MRPS21: variants seen among roughly 807,000 people sequenced by gnomAD.
MRPS21 encodes the protein mitochondrial ribosomal protein S21.
MRPS21 carries 8 observed loss-of-function variants against 9.9 expected under a neutral mutation model. The ratio of observed to expected loss-of-function variants is 0.81; its 90% CI spans 0.47 to 1.45. The LOEUF (loss-of-function observed/expected upper bound fraction) is 1.45, where lower values mean the gene tolerates loss of function less well. Ranked by LOEUF, MRPS21 falls within the 40% of genes most tolerant of loss-of-function variation. MRPS21 has a pLI of 0.00. For synonymous variants in MRPS21, 40 were observed against 40.3 expected, an observed-to-expected ratio of 0.99 and a Z score of 0.03; for missense variants, 101 against 118.9, an observed-to-expected ratio of 0.85 and a Z score of 0.70.
intron 2 of MRPS21, among the ~76,000 whole-genome samples, chr1:150,296,481 G>T (rs368191666): frequency 1.3e-5 from 2 of 152,326 alleles, no homozygotes; most frequent in East Asian, 3.9e-4. Flanking sequence ...AGGATTGCTT[G>T]AACCCAGGAG....
At chr1:150,294,247 C>A in intron 1 of MRPS21, 88 bp from the exon 2 acceptor site, 2 of 881,116 alleles carry the variant, frequency 2.3e-6, no homozygotes, top group Non-Finnish European at 3.7e-6. Flanking sequence ...TGTTGAATTT[C>A]CAAATCCTAA....
chr1:150,295,004 T>G (rs1474970710), intron 2 of MRPS21, among the ~76,000 whole-genome samples: 2 of 150,028 alleles, frequency 1.3e-5, no homozygotes, highest in Non-Finnish European at 3.0e-5. Context: ...TAATTTTTTT[T>G]TTTTTTTTTG....
intron 2 of MRPS21, among the ~76,000 whole-genome samples, chr1:150,302,428 C>G (rs1654176145): frequency 6.6e-6 from 1 of 152,060 alleles, no homozygotes; most frequent in African/African-American, 2.4e-5. Flanking sequence ...GGAAGCATGC[C>G]CTGTTGACTC....
At chr1:150,302,296 A>G (rs1009527459) in intron 2 of MRPS21, among the ~76,000 whole-genome samples, 1 of 152,154 alleles carries the variant, frequency 6.6e-6, no homozygotes, top group Non-Finnish European at 1.5e-5. Context: ...GGCCACCACA[A>G]AATGCCTGTT....
At position 150,295,952 on chromosome 1, in the gene MRPS21, C is replaced by T. The variant is rs976991610; in HGVS notation, c.83+1503C>T. ...GAGATGTAGAAGAGCCCTAGTAATA[C>T]TTTTTTTTTTTTTTTTTTAAAACGG... is the stretch of plus-strand genomic sequence containing the variant. On this transcript the variant is annotated intron_variant, in intron 2 of 2. Coordinates refer to ENST00000614145, the MANE Select transcript of MRPS21 (RefSeq NM_031901.6). 1.6e-3 allele frequency among the ~76,000 whole-genome samples: 183 copies of T among 115,830 alleles called. 1 individual carries two copies. Among genetic ancestry groups the T allele is most frequent in the Non-Finnish European group, 2.8e-3 (142 of 51,018 alleles). 76.0% of individuals were successfully genotyped at this position (115,830 alleles called of 152,430 possible). A position where few individuals can be genotyped will look rare whatever the true frequency, so the allele number is the denominator to read the frequency against.
intron 2 of MRPS21, among the ~76,000 whole-genome samples, chr1:150,300,634 C>T (rs782381298): frequency 5.9e-5 from 9 of 152,126 alleles, no homozygotes; most frequent in Non-Finnish European, 1.2e-4. Flanking sequence ...AGGTGAACTT[C>T]GTATTCGTTG....
At chr1:150,295,417 G>C (rs781933695) in intron 2 of MRPS21, among the ~76,000 whole-genome samples, 9 of 152,134 alleles carry the variant, frequency 5.9e-5, no homozygotes, top group Non-Finnish European at 1.2e-4. Context: ...TGTATTTTCT[G>C]TACAGAGGGA....
intron 2 of MRPS21, chr1:150,304,058 C>G (rs2101909956): frequency 2.6e-6 from 1 of 387,186 alleles, no homozygotes; most frequent in South Asian, 1.9e-5. Context: ...CGCCTGCAAT[C>G]CCAGCACTTT....
At chr1:150,298,503 T>C (rs1553856976) in intron 2 of MRPS21, among the ~76,000 whole-genome samples, 1 of 152,252 alleles carries the variant, frequency 6.6e-6, no homozygotes, top group East Asian at 1.9e-4. Flanking sequence ...TTAGTTCCCT[T>C]ATTCCTAAAG....
intron 2 of MRPS21, among the ~76,000 whole-genome samples, chr1:150,300,693 T>C (rs1305528288): frequency 2.0e-5 from 3 of 152,200 alleles, no homozygotes; most frequent in Non-Finnish European, 4.4e-5. Context: ...CGAGTTAAAA[T>C]TGGTGCCTCC....
chr1:150,305,911 A>G (rs1452496923), intron 2 of MRPS21, among the ~76,000 whole-genome samples: 1 of 152,182 alleles, frequency 6.6e-6, no homozygotes, highest in African/African-American at 2.4e-5. Flanking sequence ...AGTAGTTCCA[A>G]AATCTGTCTG....
chr1:150,302,721 C>T (rs1472517242), intron 2 of MRPS21, among the ~76,000 whole-genome samples: 4 of 152,154 alleles, frequency 2.6e-5, no homozygotes, highest in African/African-American at 9.7e-5. Context: ...CAGAAGGAAG[C>T]ATCATTAGTA....
At chr1:150,306,737 C>T (rs782176440) in intron 2 of MRPS21, among the ~76,000 whole-genome samples, 28 of 152,160 alleles carry the variant, frequency 1.8e-4, no homozygotes, top group African/African-American at 6.5e-4. Context: ...TCAGGTGATC[C>T]GCCCACCTCG....
chr1:150,308,244 C>T lies in MRPS21; in HGVS notation c.*16C>T, dbSNP rs201037510. ...GGGCTGCTGAGGCCTGTGGGTGGGACACCCAGTGCGAAACCCTCATCCAGT... is the reference window on the plus strand; with the variant it reads ...GGGCTGCTGAGGCCTGTGGGTGGGATACCCAGTGCGAAACCCTCATCCAGT... On this transcript the variant is annotated 3_prime_UTR_variant, in exon 3 of 3. Coordinates refer to ENST00000614145, the MANE Select transcript of MRPS21 (RefSeq NM_031901.6). The T allele has an allele frequency of 1.3e-6, 2 of 1,579,482 alleles. No homozygotes were observed.
At chr1:150,306,738 G>C (rs1041087778) in intron 2 of MRPS21, among the ~76,000 whole-genome samples, 4 of 151,960 alleles carry the variant, frequency 2.6e-5, no homozygotes, top group Non-Finnish European at 5.9e-5. Flanking sequence ...CAGGTGATCC[G>C]CCCACCTCGG....
At chr1:150,303,050 T>C (rs587775873) in intron 2 of MRPS21, among the ~76,000 whole-genome samples, 1 of 152,348 alleles carries the variant, frequency 6.6e-6, no homozygotes, top group East Asian at 1.9e-4. Flanking sequence ...CCCTTTTGCC[T>C]GACAGTACAG....
chr1:150,298,386 G>C lies in MRPS21; in HGVS notation c.83+3937G>C, dbSNP rs587754762. On this transcript the variant is annotated intron_variant, in intron 2 of 2. Transcript: ENST00000614145. ...ATCTTCTTCTGTATGATTTATTTTG[G>C]TAGATTTAGATAGGTCTTCTGGCCA... 7.9e-5 allele frequency among the ~76,000 whole-genome samples: 12 copies of C among 152,206 alleles called. No homozygotes were observed. The South Asian group carries it at 2.5e-3, about 32-fold the overall frequency.
chr1:150,294,500 G>A, intron 2 of MRPS21, 51 bp downstream of exon 2: 2 of 1,460,266 alleles, frequency 1.4e-6, no homozygotes, highest in Non-Finnish European at 1.9e-6. Context: ...GAAGTGCGGT[G>A]GTTATTCTCT....
intron 2 of MRPS21, among the ~76,000 whole-genome samples, chr1:150,297,508 C>T (rs494952): frequency 0.47 from 71,442 of 151,424 alleles, 17,853 homozygotes; most frequent in East Asian, 0.76. Context: ...CCTGTCTCTA[C>T]TAAAAATACA....
Sources: allele counts gnomAD v4.1 joint callset (sites outside exome capture counted in the v4.1 genomes callset), GRCh38; gene constraint gnomAD v4.1.1; transcripts MANE v1.5; gene names NCBI Gene and HGNC (gene_info 2026-07-23, HGNC 2026-07-21).